LUZP4: variants seen among roughly 807,000 people sequenced by gnomAD.
LUZP4 encodes the protein HOM-TES-85 tumor antigen.
Under a neutral mutation model 8.5 loss-of-function variants are expected in LUZP4, and 11 were observed. The ratio of observed to expected loss-of-function variants is 1.30; its 90% CI spans 0.82 to 2.14. The LOEUF is 2.14. LUZP4 is among the 30% of genes most tolerant of loss of function. LUZP4 has a pLI of 0.00. For missense variants in LUZP4, 276 were observed against 229.7 expected (o/e 1.20, Z -1.30); for synonymous variants, 104 against 79.4 (o/e 1.31, Z -1.65).
chrX:115,291,631 A>G (rs998544779), intron 1 of LUZP4, among the ~76,000 whole-genome samples: 1 of 110,930 alleles, frequency 9.0e-6, no homozygotes, highest in Non-Finnish European at 1.9e-5. Context: ...CATAGAAATG[A>G]AGAGGGTCAG....
Position 115,306,757 on chromosome X carries a change from GA to G in LUZP4, c.898del (p.Arg300AspfsTer12). ...NQSGRSHGQS[E>X]RHQRYSTGKN... ...GTCAGGGAGATCTCATGGCCAATCA[GA>G]AAGACATCAGAGATACTCAACAGGT... On this transcript the variant is annotated frameshift_variant, in exon 4 of 4. Coordinates refer to ENST00000371920, the MANE Select transcript of LUZP4 (RefSeq NM_016383.5). LOFTEE classifies it low-confidence loss of function (END_TRUNC). The G allele has an allele frequency of 8.3e-7, 1 of 1,209,411 alleles. No individual in the cohort carries two copies. The highest frequency in any genetic ancestry group is 3.0e-5 in the East Asian group (1 of 33,831).
intron 1 of LUZP4, among the ~76,000 whole-genome samples, chrX:115,300,187 C>A (rs1391671611): frequency 9.0e-6 from 1 of 111,472 alleles, no homozygotes; most frequent in African/African-American, 3.3e-5. Flanking sequence ...CCCTTGGCTG[C>A]CCCAGCTGGT....
chrX:115,306,764 A>G lies in LUZP4; in HGVS notation c.902A>G (p.His301Arg), dbSNP rs150836956. 1.7e-4 allele frequency: 206 copies of G among 1,207,053 alleles called. No individual in the cohort carries two copies. The highest frequency in any genetic ancestry group is 9.2e-4 in the Middle Eastern group (4 of 4,334). Reference protein sequence around the residue: ...SGRSHGQSERHQRYSTGKNTI... With the variant: ...SGRSHGQSERRQRYSTGKNTI... Reference sequence around the variant, plus strand: ...AGATCTCATGGCCAATCAGAAAGACATCAGAGATACTCAACAGGTAAAAAT... The same window carrying G: ...AGATCTCATGGCCAATCAGAAAGACGTCAGAGATACTCAACAGGTAAAAAT... The change falls in exon 4 of 4, where the codon CAT becomes CGT. Residue 301 changes from histidine to arginine, a missense_variant. By Grantham distance (29) the His-to-Arg change is conservative (BLOSUM62 0). Transcript: ENST00000371920.
intron 1 of LUZP4, among the ~76,000 whole-genome samples, chrX:115,293,535 C>T (rs918219165): frequency 1.1e-4 from 12 of 111,314 alleles, no homozygotes; most frequent in African/African-American, 3.6e-4. Context: ...ACCTTGACCT[C>T]CCAAAGTGCT....
At chrX:115,303,569 T>C (rs1327763668) in intron 3 of LUZP4, 151 bp downstream of exon 3, 6 of 268,337 alleles carry the variant, frequency 2.2e-5, no homozygotes. Flanking sequence ...ATTCAATGTT[T>C]ATTAGTTAAT....
At chrX:115,294,879 T>A (rs1411799470) in intron 1 of LUZP4, among the ~76,000 whole-genome samples, 5 of 111,556 alleles carry the variant, frequency 4.5e-5, no homozygotes, top group Non-Finnish European at 7.5e-5. Context: ...GATCTCATAG[T>A]CACCGAGTTG....
At chrX:115,302,211 A>G in intron 2 of LUZP4, 88 bp downstream of exon 2, 1 of 879,533 alleles carries the variant, frequency 1.1e-6, no homozygotes, top group Non-Finnish European at 1.5e-6. Context: ...AATTCACAAT[A>G]TTGTTCTAAA....
chrX:115,293,098 A>C (rs192981515), intron 1 of LUZP4, among the ~76,000 whole-genome samples: 74 of 108,124 alleles, frequency 6.8e-4, no homozygotes, highest in African/African-American at 2.4e-3. Flanking sequence ...AAGGAGTCAC[A>C]AAAAAAAAAT....
In LUZP4 at chrX:115,307,231, CTT is replaced by C. The variant is rs2073428004; in HGVS notation, c.*430_*431del. Reference sequence around the variant, plus strand: ...ATATAATCTATGATAATGAATATCTCTTTTGTGTCTCCTTCCTAAGCCATCCT... The same window carrying C: ...ATATAATCTATGATAATGAATATCTCTTGTGTCTCCTTCCTAAGCCATCCT... On this transcript the variant is annotated 3_prime_UTR_variant, in exon 4 of 4. Coordinates refer to ENST00000371920, the MANE Select transcript of LUZP4 (RefSeq NM_016383.5). 1 of 141,293 alleles carries C rather than the reference CTT, an allele frequency of 7.1e-6. No homozygotes were observed. The highest frequency in any genetic ancestry group is 1.4e-5 in the Non-Finnish European group (1 of 70,273). 11.6% of individuals were successfully genotyped at this position (141,293 alleles called of 1,213,427 possible).
At chrX:115,296,900 A>G (rs2073373069) in intron 1 of LUZP4, among the ~76,000 whole-genome samples, 1 of 112,212 alleles carries the variant, frequency 8.9e-6, no homozygotes, top group Admixed American at 9.5e-5. Context: ...GCCATTTCAA[A>G]GAAAATCAGA....
chrX:115,295,105 G>T (rs919894643), intron 1 of LUZP4, among the ~76,000 whole-genome samples: 11 of 111,159 alleles, frequency 9.9e-5, no homozygotes, highest in Non-Finnish European at 1.9e-4. Flanking sequence ...TTTGAGACAG[G>T]GTCTCTGTCG....
At chrX:115,296,916 AT>A (rs782130929) in intron 1 of LUZP4, among the ~76,000 whole-genome samples, 2 of 111,389 alleles carry the variant, frequency 1.8e-5, no homozygotes, top group Non-Finnish European at 3.8e-5. Context: ...TCAGAATCAG[AT>A]TTTTTTCTTA....
At chrX:115,305,061 A>G (rs2073414237) in intron 3 of LUZP4, among the ~76,000 whole-genome samples, 1 of 111,909 alleles carries the variant, frequency 8.9e-6, no homozygotes, top group African/African-American at 3.2e-5. Flanking sequence ...AAAGGTAGGA[A>G]ATACATAGTA....
At chrX:115,294,023 T>C (rs1182380525) in intron 1 of LUZP4, among the ~76,000 whole-genome samples, 1 of 110,856 alleles carries the variant, frequency 9.0e-6, no homozygotes, top group Non-Finnish European at 1.9e-5. Flanking sequence ...GATTACTGAG[T>C]TTTGGGGGAC....
chrX:115,295,288 A>G (rs1385824146), intron 1 of LUZP4, among the ~76,000 whole-genome samples: 1 of 111,421 alleles, frequency 9.0e-6, no homozygotes, highest in Non-Finnish European at 1.9e-5. Context: ...CATGTTGCCC[A>G]GGCTGGTCTC....
Position 115,289,732 on chromosome X carries a change from G to C in LUZP4, c.-28G>C, listed in dbSNP as rs200551410. 1.8e-4 allele frequency: 200 copies of C among 1,128,145 alleles called. No individual in the cohort carries two copies. Among genetic ancestry groups the C allele is most frequent in the Middle Eastern group, 1.0e-3 (4 of 3,926 alleles). The allele number at this position is 1,128,145 out of a possible 1,213,427, so 93.0% of individuals were successfully genotyped here. On this transcript the variant is annotated 5_prime_UTR_variant, in exon 1 of 4. Transcript: ENST00000371920. ...GGGGTGGTACACGCGCCCTACCTCG[G>C]AGTGTGTGGCGCCATGATGCAGGGA...
intron 1 of LUZP4, among the ~76,000 whole-genome samples, chrX:115,291,924 A>C (rs1052780219): frequency 9.5e-6 from 1 of 104,794 alleles, no homozygotes; most frequent in African/African-American, 3.4e-5. Context: ...TTCATCTCAG[A>C]AAAAAAAAAA....
chrX:115,295,260 G>C (rs782768673), intron 1 of LUZP4, among the ~76,000 whole-genome samples: 1 of 110,830 alleles, frequency 9.0e-6, no homozygotes, highest in East Asian at 2.9e-4. Flanking sequence ...ATTTTCTTTG[G>C]TAGAGACGGA....
At chrX:115,290,029 C>T (rs985124758) in intron 1 of LUZP4, among the ~76,000 whole-genome samples, 179 bp downstream of exon 1, 6 of 110,450 alleles carry the variant, frequency 5.4e-5, no homozygotes, top group Non-Finnish European at 1.9e-5. Context: ...GACCACTTGG[C>T]CCCTATCCCT....
Sources: allele counts gnomAD v4.1 joint callset (sites outside exome capture counted in the v4.1 genomes callset), GRCh38; gene constraint gnomAD v4.1.1; transcripts MANE v1.5; gene names NCBI Gene and HGNC (gene_info 2026-07-23, HGNC 2026-07-21).